The following PPP5C variants were observed in gnomAD, a reference collection of about 807,000 sequenced individuals.
PPP5C encodes the protein serine/threonine-protein phosphatase 5.
PPP5C carries 21 observed loss-of-function variants against 66.7 expected under a neutral mutation model. The ratio of observed to expected loss-of-function variants is 0.31; its 90% CI spans 0.22 to 0.45. The LOEUF (loss-of-function observed/expected upper bound fraction) is 0.45. Among genes scored for constraint, PPP5C ranks in the 20% least tolerant of loss-of-function variants. PPP5C has a pLI of 1.00. For synonymous variants in PPP5C, 246 were observed against 257.4 expected, an observed-to-expected ratio of 0.96 and a Z score of 0.43; for missense variants, 464 against 675.9, an observed-to-expected ratio of 0.69 and a Z score of 3.48.
At chr19:46,366,021 C>G (rs982789492) in intron 2 of PPP5C, among the ~76,000 whole-genome samples, 1 of 152,122 alleles carries the variant, frequency 6.6e-6, no homozygotes, top group Non-Finnish European at 1.5e-5. Flanking sequence ...GATAGAACCA[C>G]TCAAATAAAG....
At chr19:46,353,385 C>G (rs1053701331) in intron 1 of PPP5C, among the ~76,000 whole-genome samples, 4 of 152,170 alleles carry the variant, frequency 2.6e-5, no homozygotes, top group Admixed American at 6.5e-5. Flanking sequence ...CTCCCCCTGC[C>G]CACTCCACCC....
chr19:46,387,266 T>G (rs772287351), intron 8 of PPP5C, 31 bp downstream of exon 8: 1 of 1,613,714 alleles, frequency 6.2e-7, no homozygotes, highest in Non-Finnish European at 8.5e-7. Context: ...GAGTGTGGGT[T>G]CCCCACCCAG....
chr19:46,349,990 G>C (rs1016714440), intron 1 of PPP5C, among the ~76,000 whole-genome samples: 1 of 146,506 alleles, frequency 6.8e-6, no homozygotes, highest in Admixed American at 6.8e-5. Context: ...GCGCAGGGCT[G>C]TAGGAAGGAG....
chr19:46,353,038 A>T (rs567027988), intron 1 of PPP5C, among the ~76,000 whole-genome samples: 1 of 152,274 alleles, frequency 6.6e-6, no homozygotes, highest in Admixed American at 6.5e-5. Context: ...AGGCTGTTTA[A>T]GCCTTGGCTC....
intron 4 of PPP5C, among the ~76,000 whole-genome samples, chr19:46,380,700 C>G (rs893790723): frequency 6.6e-6 from 1 of 152,214 alleles, no homozygotes; most frequent in African/African-American, 2.4e-5. Context: ...TCTAGGTTGA[C>G]ATTGTTTCTT....
At chr19:46,374,845 C>G (rs1454573193) in intron 2 of PPP5C, among the ~76,000 whole-genome samples, 2 of 152,190 alleles carry the variant, frequency 1.3e-5, no homozygotes, top group East Asian at 3.9e-4. Context: ...CAGAGAGAAA[C>G]TGAGCCACAG....
At chr19:46,352,716 G>T (rs894060379) in intron 1 of PPP5C, among the ~76,000 whole-genome samples, 7 of 152,082 alleles carry the variant, frequency 4.6e-5, no homozygotes, top group African/African-American at 1.4e-4. Flanking sequence ...GCTGCTCGGG[G>T]GGCTAAGGCT....
chr19:46,355,702 G>A (rs762523001), intron 2 of PPP5C, among the ~76,000 whole-genome samples: 4 of 152,186 alleles, frequency 2.6e-5, no homozygotes, highest in Non-Finnish European at 5.9e-5. Context: ...GACAAGAGGA[G>A]TGGCCGCCTC....
At chr19:46,367,918 T>A (rs11083820) in intron 2 of PPP5C, among the ~76,000 whole-genome samples, 1 of 152,172 alleles carries the variant, frequency 6.6e-6, no homozygotes, top group Non-Finnish European at 1.5e-5. Context: ...TGGGTTGAGT[T>A]GGTCCCTGGA....
chr19:46,367,692 AGTC>A (rs1972513855), intron 2 of PPP5C, among the ~76,000 whole-genome samples: 4 of 152,304 alleles, frequency 2.6e-5, no homozygotes, highest in Non-Finnish European at 4.4e-5. Flanking sequence ...TGGGAACCGC[AGTC>A]ACTCAGTTGG....
chr19:46,388,205 G>A lies in PPP5C; in HGVS notation c.1136-203G>A. The A allele has an allele frequency of 1.7e-6, 1 of 571,568 alleles. No homozygotes were observed. Among genetic ancestry groups the A allele is most frequent in the Non-Finnish European group, 3.1e-6 (1 of 325,240 alleles). 35.4% of individuals were successfully genotyped at this position (571,568 alleles called of 1,614,324 possible). ...ACAGGGGATTGAATGGGGTCTGGAG[G>A]GCAGATCAGCAGAGAGGGTGGGGGT... On this transcript the variant is annotated intron_variant, in intron 9 of 12. Transcript: ENST00000012443. This position sits in a 1 kb window ranked among gnomAD's most constrained non-coding sequence, Gnocchi z 4.9.
At chr19:46,350,835 G>A (rs1424357007) in intron 1 of PPP5C, among the ~76,000 whole-genome samples, 1 of 152,138 alleles carries the variant, frequency 6.6e-6, no homozygotes, top group Non-Finnish European at 1.5e-5. Flanking sequence ...TGGCTCCCAC[G>A]TTCAGGTTCC....
intron 2 of PPP5C, among the ~76,000 whole-genome samples, chr19:46,365,898 C>T (rs1009220471): frequency 2.6e-5 from 4 of 152,180 alleles, no homozygotes; most frequent in African/African-American, 7.2e-5. Flanking sequence ...TACTGTGACC[C>T]GGGCCTCCTG....
intron 2 of PPP5C, among the ~76,000 whole-genome samples, chr19:46,361,178 G>A (rs1038392576): frequency 1.5e-5 from 2 of 137,800 alleles, no homozygotes; most frequent in Non-Finnish European, 3.0e-5. Context: ...CGCCCAGGCT[G>A]GAGTGCAGTG....
At chr19:46,354,137 G>GAGTACCCAGGCCAC (rs1972242869) in intron 2 of PPP5C, 148 bp downstream of exon 2, 1 of 1,241,368 alleles carries the variant, frequency 8.1e-7, no homozygotes, top group African/African-American at 1.5e-5. Context: ...GCCCAGGCCA[G>GAGTACCCAGGCCAC]AGTACCCAGG....
rs368815463 is a variant in PPP5C at position 46,353,743 on chromosome 19, C to T, written c.122-5C>T. The T allele has an allele frequency of 6.8e-5, 110 of 1,613,910 alleles. No homozygotes were observed. The highest frequency in any genetic ancestry group is 8.4e-5 in the Non-Finnish European group (99 of 1,179,956). On this transcript the variant is annotated splice_polypyrimidine_tract_variant and splice_region_variant and intron_variant, in intron 1 of 12. Transcript: ENST00000012443. ...TGCCTCATGCCTCTTCTTCTGTCTC[C>T]GCAGCCAAGGACTACGAGAACGCCA... is the stretch of plus-strand genomic sequence containing the variant.
chr19:46,368,753 A>T (rs1012691243), intron 2 of PPP5C, among the ~76,000 whole-genome samples: 1 of 151,666 alleles, frequency 6.6e-6, no homozygotes, highest in African/African-American at 2.4e-5. Context: ...CCATTATACC[A>T]CTCTGTATGC....
At chr19:46,385,272 G>A (rs1477378116) in intron 7 of PPP5C, among the ~76,000 whole-genome samples, 1 of 152,198 alleles carries the variant, frequency 6.6e-6, no homozygotes, top group African/African-American at 2.4e-5. Context: ...TCGAGGGTGG[G>A]AGTAAGGAGA....
At chr19:46,350,296 T>C (rs886753793) in intron 1 of PPP5C, among the ~76,000 whole-genome samples, 7 of 152,076 alleles carry the variant, frequency 4.6e-5, no homozygotes, top group African/African-American at 1.7e-4. Flanking sequence ...GGCTGAGGGA[T>C]GGAGAGGAGT....
Sources: allele counts gnomAD v4.1 joint callset (sites outside exome capture counted in the v4.1 genomes callset), GRCh38; gene constraint gnomAD v4.1.1; non-coding constraint Gnocchi (gnomAD v3.1); transcripts MANE v1.5; gene names NCBI Gene and HGNC (gene_info 2026-07-23, HGNC 2026-07-21).